AGAP1: variants seen among roughly 807,000 people sequenced by gnomAD.
The protein encoded by AGAP1 is ArfGAP with GTPase domain, ankyrin repeat and PH domain 1, also known as arf-GAP with GTPase, ANK repeat and PH domain-containing protein 1.
Under a neutral mutation model 105.3 loss-of-function variants are expected in AGAP1, and 29 were observed. That is an observed-to-expected ratio of 0.28 (90% confidence interval 0.21 to 0.38). The LOEUF is 0.38. AGAP1 is among the 10% of genes least tolerant of loss of function. AGAP1 has a pLI of 1.00. For synonymous variants in AGAP1, 509 were observed against 485.9 expected, an observed-to-expected ratio of 1.05 and a Z score of -0.63; for missense variants, 998 against 1,165.1, an observed-to-expected ratio of 0.86 and a Z score of 2.09.
chr2:235,511,897 T>TGTGAATGTGA (rs1166576627), intron 1 of AGAP1, among the ~76,000 whole-genome samples: 121 of 151,796 alleles, frequency 8.0e-4, no homozygotes, highest in Non-Finnish European at 1.4e-3. Flanking sequence ...TGAATGTGAG[T>TGTGAATGTGA]GTGAATGAGT....
intron 1 of AGAP1, among the ~76,000 whole-genome samples, chr2:235,503,420 G>C (rs969128146): frequency 2.0e-5 from 3 of 152,100 alleles, no homozygotes; most frequent in African/African-American, 7.2e-5. Context: ...GTTCAGCCTG[G>C]TGAACCTGAT....
chr2:236,027,587 G>A lies in AGAP1; in HGVS notation c.1646-8974G>A, dbSNP rs1401302300. Among the ~76,000 whole-genome samples, 2 of 152,046 alleles carry A rather than the reference G, an allele frequency of 1.3e-5. No homozygotes were observed. Among genetic ancestry groups the A allele is most frequent in the South Asian group, 2.1e-4 (1 of 4,806 alleles). ...GATGTTTGCATCACAGTTCAGCCCT[G>A]GTCCCCATCAGCACAGCCTGCCTGG... On this transcript the variant is annotated intron_variant, in intron 13 of 17. Coordinates refer to ENST00000304032, the MANE Select transcript of AGAP1 (RefSeq NM_001037131.3). This position sits in a 1 kb window ranked among gnomAD's most constrained non-coding sequence, Gnocchi z 4.4.
intron 13 of AGAP1, among the ~76,000 whole-genome samples, chr2:235,986,533 C>T (rs750127810): frequency 3.9e-5 from 6 of 152,164 alleles, no homozygotes; most frequent in Non-Finnish European, 7.3e-5. Context: ...TGAGAGAGAG[C>T]ATCCTTGTCT....
At chr2:235,800,039 G>A (rs1315437186) in intron 8 of AGAP1, among the ~76,000 whole-genome samples, 1 of 151,896 alleles carries the variant, frequency 6.6e-6, no homozygotes, top group African/African-American at 2.4e-5. Context: ...TGAAAGCAGA[G>A]ATGAGCTATC....
chr2:235,836,747 G>A (rs1421458027), intron 9 of AGAP1, among the ~76,000 whole-genome samples: 3 of 152,204 alleles, frequency 2.0e-5, no homozygotes, highest in African/African-American at 7.2e-5. Flanking sequence ...GGAGAAGATG[G>A]AGACAGCCCT....
At chr2:235,978,499 A>T (rs1158228720) in intron 13 of AGAP1, among the ~76,000 whole-genome samples, 1 of 152,198 alleles carries the variant, frequency 6.6e-6, no homozygotes, top group Non-Finnish European at 1.5e-5. Context: ...CCTTAAAACA[A>T]CCCTGTGTGG....
intron 5 of AGAP1, among the ~76,000 whole-genome samples, chr2:235,748,432 AC>A (rs1483655854): frequency 1.3e-5 from 2 of 152,128 alleles, no homozygotes; most frequent in African/African-American, 4.8e-5. Context: ...TAAAAAAAAA[AC>A]TTTCTTTTCT....
In AGAP1 at chr2:235,555,794, G is replaced by C. The variant is rs1481891725; in HGVS notation, c.163+60945G>C. ...ACTTTGGGGGTCATCACTCATTTCTGAGTTACAGAAGTTAAATAGTGACTT... is the reference window on the plus strand; with the variant it reads ...ACTTTGGGGGTCATCACTCATTTCTCAGTTACAGAAGTTAAATAGTGACTT... On this transcript the variant is annotated intron_variant, in intron 1 of 17. Transcript: ENST00000304032. The surrounding 1 kb of genome is among the most constrained non-coding windows in gnomAD (Gnocchi z 5.1). 6.6e-6 allele frequency among the ~76,000 whole-genome samples: 1 copy of C among 152,172 alleles called. No individual in the cohort carries two copies. The highest frequency in any genetic ancestry group is 1.5e-5 in the Non-Finnish European group (1 of 68,026).
chr2:235,869,022 A>C (rs2049311219), intron 9 of AGAP1, among the ~76,000 whole-genome samples: 1 of 152,194 alleles, frequency 6.6e-6, no homozygotes, highest in Non-Finnish European at 1.5e-5. Context: ...TCAGTAAATT[A>C]GGTGGTAGGA....
chr2:235,587,910 AG>A (rs1214492249), intron 1 of AGAP1, among the ~76,000 whole-genome samples: 5 of 151,896 alleles, frequency 3.3e-5, no homozygotes, highest in Non-Finnish European at 5.9e-5. Flanking sequence ...CATGAACGGA[AG>A]GGAAGTCATC....
intron 1 of AGAP1, among the ~76,000 whole-genome samples, chr2:235,579,180 C>T (rs893293005): frequency 7.2e-5 from 11 of 152,108 alleles, no homozygotes; most frequent in African/African-American, 2.7e-4. Flanking sequence ...TGTGTCAGCC[C>T]CTGCCCACTG....
intron 9 of AGAP1, among the ~76,000 whole-genome samples, chr2:235,833,860 T>G (rs1427485717): frequency 6.6e-6 from 1 of 151,438 alleles, no homozygotes; most frequent in East Asian, 1.9e-4. Flanking sequence ...ATCTGGTTTT[T>G]TTTTTTTTTT....
intron 6 of AGAP1, among the ~76,000 whole-genome samples, chr2:235,784,864 G>A (rs1269577153): frequency 6.6e-6 from 1 of 152,128 alleles, no homozygotes; most frequent in Non-Finnish European, 1.5e-5. Context: ...AGGTAATGCT[G>A]GTTAAGTAAT....
chr2:235,770,342 T>A (rs1034986424), intron 6 of AGAP1, among the ~76,000 whole-genome samples: 1 of 152,038 alleles, frequency 6.6e-6, no homozygotes, highest in Non-Finnish European at 1.5e-5. Context: ...TCACAGTGTT[T>A]GCCAGGATGG....
rs547731569 is a variant in AGAP1 at position 235,775,490 on chromosome 2, ATTTC to A, written c.674-22266_674-22263del. Among the ~76,000 whole-genome samples, 88 of 152,264 alleles carry A rather than the reference ATTTC, an allele frequency of 5.8e-4. 1 individual carries two copies. The highest frequency in any genetic ancestry group is 2.1e-3 in the African/African-American group (86 of 41,554). On this transcript the variant is annotated intron_variant, in intron 6 of 17. Transcript: ENST00000304032. ...ATTTATTTTCCTACCTTCTGAACCT[ATTTC>A]TTAAAGACAAAAAAGAAAAATAAAT...
rs1264996951 is a variant in AGAP1, at chr2:235,551,844, C to T, written c.163+56995C>T. On this transcript the variant is annotated intron_variant, in intron 1 of 17. Transcript: ENST00000304032. The surrounding 1 kb of genome is among the most constrained non-coding windows in gnomAD (Gnocchi z 4.8). ...GGTCCTCTGGAGAACACAAACTGAG[C>T]GTTGCTGGGCCTCAGGAGCTTCTAG... 6.6e-6 allele frequency among the ~76,000 whole-genome samples: 1 copy of T among 152,182 alleles called. No individual in the cohort carries two copies. Among genetic ancestry groups the T allele is most frequent in the Non-Finnish European group, 1.5e-5 (1 of 68,034 alleles).
Position 235,824,559 on chromosome 2 carries a change from A to G in AGAP1, c.1050+17228A>G, listed in dbSNP as rs192899681. 6.6e-6 allele frequency among the ~76,000 whole-genome samples: 1 copy of G among 152,318 alleles called. No homozygotes were observed. Among genetic ancestry groups the G allele is most frequent in the Admixed American group, 6.5e-5 (1 of 15,296 alleles). On this transcript the variant is annotated intron_variant, in intron 9 of 17. Coordinates refer to ENST00000304032, the MANE Select transcript of AGAP1 (RefSeq NM_001037131.3). The surrounding 1 kb of genome is among the most constrained non-coding windows in gnomAD (Gnocchi z 5.2). ...TTATTGCAGGAGAAATTAAAGATAC[A>G]ATTTTGTGCTAAGAGGCAATGTAGA...
intron 7 of AGAP1, among the ~76,000 whole-genome samples, chr2:235,798,789 T>C (rs559258789): frequency 1.3e-5 from 2 of 148,840 alleles, no homozygotes; most frequent in South Asian, 4.3e-4. Flanking sequence ...GGATCACCTC[T>C]GCCCAGCAGA....
rs1949731573 is a variant in AGAP1, at chr2:235,691,457, G to GGC, written c.164-17722_164-17721insGC. On this transcript the variant is annotated intron_variant, in intron 1 of 17. Coordinates refer to ENST00000304032, the MANE Select transcript of AGAP1 (RefSeq NM_001037131.3). This position sits in a 1 kb window ranked among gnomAD's most constrained non-coding sequence, Gnocchi z 4.4. ...ACATCTTTAAAATCCGCTGAAGACT[G>GGC]TAAAGATACTCATTTGAGATGTGCC... Among the ~76,000 whole-genome samples the GGC allele has an allele frequency of 6.6e-6, 1 of 152,240 alleles. No homozygotes were observed. The highest frequency in any genetic ancestry group is 2.4e-5 in the African/African-American group (1 of 41,464).
Sources: allele counts gnomAD v4.1 joint callset (sites outside exome capture counted in the v4.1 genomes callset), GRCh38; gene constraint gnomAD v4.1.1; non-coding constraint Gnocchi (gnomAD v3.1); transcripts MANE v1.5; gene names NCBI Gene and HGNC (gene_info 2026-07-23, HGNC 2026-07-21).